IGDCC4: variants seen among roughly 807,000 people sequenced by gnomAD.
IGDCC4 encodes likely ortholog of mouse neighbor of Punc E11.
A neutral mutation model predicts 116.6 loss-of-function variants in IGDCC4; 72 were observed. The ratio of observed to expected loss-of-function variants is 0.62; its 90% CI spans 0.51 to 0.75. The LOEUF is 0.75. Ranked by LOEUF, IGDCC4 falls within the 30% of genes least tolerant of loss-of-function variation. The pLI is 0.00. For missense variants in IGDCC4, 1,501 were observed against 1,662.4 expected, an observed-to-expected ratio of 0.90 and a Z score of 1.69; for synonymous variants, 709 against 719.9, an observed-to-expected ratio of 0.98 and a Z score of 0.24.
chr15:65,396,985 C>T lies in IGDCC4; in HGVS notation c.846G>A (p.Gly282=), dbSNP rs2062934758. 2 of 1,579,426 alleles carry T rather than the reference C, an allele frequency of 1.3e-6. No individual in the cohort carries two copies. Among genetic ancestry groups the T allele is most frequent in the Non-Finnish European group, 8.6e-7 (1 of 1,162,286 alleles). Residue 282 remains glycine, a synonymous_variant, in exon 6 of 20, where the codon GGG becomes GGA. Transcript: ENST00000352385. The part of the protein sequence containing the change: ...TPFVSWVRQD[G]KPISTDVIVL... ...CGATGACATCTGTGGAGATGGGCTT[C>T]CCGTCTGGGGAAGGAGAGGGAGACG... is the stretch of plus-strand genomic sequence containing the variant.
At position 65,386,027 on chromosome 15, in the gene IGDCC4, G is replaced by C; in HGVS notation, c.2984C>G (p.Thr995Ser). The C allele has an allele frequency of 1.3e-6, 2 of 1,549,584 alleles. No individual in the cohort carries two copies. The highest frequency in any genetic ancestry group is 1.7e-6 in the Non-Finnish European group (2 of 1,151,814). ...ESLPGLSSTATPGNPALYSRA... is the reference protein window; with the variant it reads ...ESLPGLSSTASPGNPALYSRA... ...GGAGTACAGCGCGGGATTCCCGGGG[G>C]TGGCGGTGGAGGACAGGCCTGGGAG... Residue 995 changes from threonine (T) to serine (S), a missense_variant, in exon 18 of 20, where the codon ACC becomes AGC. By Grantham distance (58) the Thr-to-Ser change is moderately conservative (BLOSUM62 1). Coordinates refer to ENST00000352385, the MANE Select transcript of IGDCC4 (RefSeq NM_020962.3).
At chr15:65,417,518 G>A (rs1180619166) in intron 1 of IGDCC4, among the ~76,000 whole-genome samples, 1 of 152,214 alleles carries the variant, frequency 6.6e-6, no homozygotes, top group East Asian at 1.9e-4. Context: ...CAGCTGTGAT[G>A]TCCCTGGTTG....
At chr15:65,402,650 A>C (rs1055445479) in intron 3 of IGDCC4, among the ~76,000 whole-genome samples, 163 bp from the exon 4 acceptor site, 2 of 152,028 alleles carry the variant, frequency 1.3e-5, no homozygotes, top group African/African-American at 2.4e-5. Flanking sequence ...GGCGAATCAC[A>C]TGAGGTCGGG....
At chr15:65,409,079 C>T (rs2063065397) in intron 3 of IGDCC4, among the ~76,000 whole-genome samples, 1 of 152,094 alleles carries the variant, frequency 6.6e-6, no homozygotes, top group African/African-American at 2.4e-5. Context: ...AAGTGATCCT[C>T]CTGCTTCGTC....
At chr15:65,404,817 G>A (rs537192885) in intron 3 of IGDCC4, among the ~76,000 whole-genome samples, 7 of 152,326 alleles carry the variant, frequency 4.6e-5, no homozygotes, top group African/African-American at 1.7e-4. Flanking sequence ...TTGGGAGGCA[G>A]AGGCAGGAGG....
chr15:65,417,808 G>C (rs1007744101), intron 1 of IGDCC4, among the ~76,000 whole-genome samples: 2 of 152,184 alleles, frequency 1.3e-5, no homozygotes, highest in East Asian at 1.9e-4. Flanking sequence ...GTTGGTCAGG[G>C]TGGTCTCGAA....
chr15:65,381,510 T>C lies in IGDCC4; in HGVS notation c.*2499A>G, dbSNP rs1254234801. On this transcript the variant is annotated 3_prime_UTR_variant, in exon 20 of 20. Transcript: ENST00000352385. ...TTCTGGAAAATAGTTTATTAATTCATTATAAGGACAGATACATGAATCAAT... is the reference window on the plus strand; with the variant it reads ...TTCTGGAAAATAGTTTATTAATTCACTATAAGGACAGATACATGAATCAAT... The C allele has an allele frequency of 6.6e-6, 1 of 152,184 alleles. No homozygotes were observed. Among genetic ancestry groups the C allele is most frequent in the Non-Finnish European group, 1.5e-5 (1 of 68,036 alleles). 9.4% of individuals were successfully genotyped at this position (152,184 alleles called of 1,614,324 possible).
intron 1 of IGDCC4, 102 bp downstream of exon 1, chr15:65,422,691 C>A: frequency 1.0e-6 from 1 of 984,790 alleles, no homozygotes; most frequent in South Asian, 2.6e-5. Flanking sequence ...CGCACTTGCT[C>A]GGGACTCCGG....
At chr15:65,402,944 C>T (rs1366109216) in intron 3 of IGDCC4, among the ~76,000 whole-genome samples, 1 of 152,162 alleles carries the variant, frequency 6.6e-6, no homozygotes, top group Admixed American at 6.5e-5. Context: ...AATAACACTC[C>T]GTGTGGATGA....
intron 18 of IGDCC4, 107 bp downstream of exon 18, chr15:65,385,724 C>T (rs1303539523): frequency 4.3e-6 from 4 of 940,134 alleles, no homozygotes; most frequent in African/African-American, 1.6e-5. Context: ...CGTCCGCAGC[C>T]GGCTCCGAAG....
intron 1 of IGDCC4, among the ~76,000 whole-genome samples, chr15:65,412,921 A>ATCTC (rs372790909): frequency 9.6e-5 from 14 of 145,316 alleles, no homozygotes; most frequent in South Asian, 4.4e-4. Flanking sequence ...ACATATATAG[A>ATCTC]TCTCTCTCTC....
At chr15:65,418,116 TA>T (rs1212965743) in intron 1 of IGDCC4, among the ~76,000 whole-genome samples, 1 of 152,118 alleles carries the variant, frequency 6.6e-6, no homozygotes. Flanking sequence ...TCCTTATCTG[TA>T]AAAACAACAG....
At chr15:65,389,043 C>T in intron 14 of IGDCC4, 65 bp from the exon 15 acceptor site, 3 of 1,154,394 alleles carry the variant, frequency 2.6e-6, no homozygotes, top group South Asian at 1.5e-5. Flanking sequence ...GATGATATGA[C>T]CTCCCTTCTT....
In IGDCC4 at chr15:65,384,504, C is replaced by G; in HGVS notation, c.3343-85G>C. The G allele has an allele frequency of 7.5e-7, 1 of 1,334,610 alleles. No homozygotes were observed. The highest frequency in any genetic ancestry group is 1.0e-6 in the Non-Finnish European group (1 of 996,488). The allele number at this position is 1,334,610 out of a possible 1,614,324, so 82.7% of individuals were successfully genotyped here. A position where few individuals can be genotyped will look rare whatever the true frequency, so the allele number is the denominator to read the frequency against. Reference sequence around the variant, plus strand: ...GACCAGCGTACGTGGGGCAGAAAGTCTGACCCTCCATCAGAGTAAGTATCA... The same window carrying G: ...GACCAGCGTACGTGGGGCAGAAAGTGTGACCCTCCATCAGAGTAAGTATCA... On this transcript the variant is annotated intron_variant, in intron 19 of 19. Transcript: ENST00000352385. The surrounding 1 kb of genome is among the most constrained non-coding windows in gnomAD (Gnocchi z 4.9).
intron 1 of IGDCC4, among the ~76,000 whole-genome samples, chr15:65,414,029 A>G (rs958703999): frequency 3.9e-5 from 6 of 152,236 alleles, no homozygotes; most frequent in African/African-American, 1.4e-4. Flanking sequence ...ATTGGTAAAC[A>G]TAGCTCTGCA....
At chr15:65,397,018 G>T in intron 5 of IGDCC4, 29 bp from the exon 6 acceptor site, 1 of 1,564,170 alleles carries the variant, frequency 6.4e-7, no homozygotes, top group Non-Finnish European at 8.7e-7. Flanking sequence ...ACGCGCTGGA[G>T]GGGACGCTAG....
chr15:65,394,695 G>C, intron 8 of IGDCC4, 147 bp from the exon 9 acceptor site: 2 of 815,348 alleles, frequency 2.5e-6, no homozygotes, highest in Admixed American at 3.1e-5. Context: ...CTTCTCAGGG[G>C]AGCCCCAAGC....
At chr15:65,412,870 C>T (rs147343611) in intron 1 of IGDCC4, among the ~76,000 whole-genome samples, 2 of 152,138 alleles carry the variant, frequency 1.3e-5, no homozygotes, top group East Asian at 3.9e-4. Flanking sequence ...GCACTCTAGC[C>T]TGGGTAACAG....
At position 65,396,155 on chromosome 15, in the gene IGDCC4, C is replaced by T. The variant is rs1362726137; in HGVS notation, c.1006G>A (p.Ala336Thr). 9 of 1,487,222 alleles carry T rather than the reference C, an allele frequency of 6.1e-6. No homozygotes were observed. The highest frequency in any genetic ancestry group is 2.9e-5 in the African/African-American group (2 of 69,770). 92.1% of individuals were successfully genotyped at this position (1,487,222 alleles called of 1,614,324 possible). ...AAELRVLAAP[A>T]ITQAPEALSR... ...AGCGCCTCGGGCGCCTGAGTGATGGCGGGAGCCGCTAGGGGCGCGAGGGGC... is the reference window on the plus strand; with the variant it reads ...AGCGCCTCGGGCGCCTGAGTGATGGTGGGAGCCGCTAGGGGCGCGAGGGGC... Residue 336 changes from alanine to threonine, a missense_variant, in exon 7 of 20, where the codon GCC (alanine) becomes ACC (threonine). Physicochemically the swap from Ala to Thr is moderately conservative, Grantham distance 58. Around this residue, in one of 3 missense-constraint regions of IGDCC4, gnomAD observed 898 missense variants for 978.9 expected, o/e 0.92. Transcript: ENST00000352385.
Sources: gnomAD v4.1 joint callset for allele counts (sites outside exome capture counted in the v4.1 genomes callset) on GRCh38, gnomAD v4.1.1 for gene constraint, gnomAD v4.1.1 regional missense constraint, Gnocchi (gnomAD v3.1) non-coding constraint, MANE v1.5 for transcripts, NCBI Gene and HGNC (gene_info 2026-07-23, HGNC 2026-07-21) for gene names.